The following PITPNC1 variants were observed in gnomAD, a reference collection of about 807,000 sequenced individuals.
PITPNC1 encodes the protein cytoplasmic phosphatidylinositol transfer protein 1.
Under a neutral mutation model 44.7 loss-of-function variants are expected in PITPNC1, and 18 were observed. The ratio of observed to expected loss-of-function variants is 0.40; its 90% confidence interval spans 0.28 to 0.60. The LOEUF is 0.60. Among genes scored for constraint, PITPNC1 ranks in the 20% least tolerant of loss-of-function variants. The pLI, the probability that PITPNC1 is intolerant of heterozygous loss-of-function variation, is 0.39. For missense variants in PITPNC1, 290 were observed against 418.4 expected (o/e 0.69, Z 2.68); for synonymous variants, 141 against 149.6 (o/e 0.94, Z 0.42).
At chr17:67,381,898 T>G (rs1164622584) in intron 1 of PITPNC1, among the ~76,000 whole-genome samples, 1 of 152,184 alleles carries the variant, frequency 6.6e-6, no homozygotes, top group Non-Finnish European at 1.5e-5. Flanking sequence ...TCTCCCTCAT[T>G]TAACACTCTG....
At chr17:67,594,118 G>T (rs1213698650) in intron 5 of PITPNC1, among the ~76,000 whole-genome samples, 2 of 152,138 alleles carry the variant, frequency 1.3e-5, no homozygotes, top group African/African-American at 2.4e-5. Context: ...TAGAATCAGA[G>T]AAATCACCAG....
Position 67,377,999 on chromosome 17 carries a change from G to C in PITPNC1, c.-156G>C. 2.2e-6 allele frequency: 1 copy of C among 453,438 alleles called. No homozygotes were observed. Among genetic ancestry groups the C allele is most frequent in the Non-Finnish European group, 3.8e-6 (1 of 261,340 alleles). The allele number at this position is 453,438 out of a possible 1,614,324, so 28.1% of individuals were successfully genotyped here. ...CCCTGACATGCTCTGGGGCGGAGAGGAGGAAGCCAGGAGCTGAGCGCGCCG... is the reference window on the plus strand; with the variant it reads ...CCCTGACATGCTCTGGGGCGGAGAGCAGGAAGCCAGGAGCTGAGCGCGCCG... On this transcript the variant is annotated 5_prime_UTR_variant, in exon 1 of 9. Transcript: ENST00000581322.
At chr17:67,568,973 G>A (rs373986997) in intron 4 of PITPNC1, among the ~76,000 whole-genome samples, 5 of 152,060 alleles carry the variant, frequency 3.3e-5, no homozygotes, top group African/African-American at 9.7e-5. Context: ...CAAAGTGAGC[G>A]GTGTACATTC....
intron 1 of PITPNC1, among the ~76,000 whole-genome samples, chr17:67,497,737 A>G (rs879520996): frequency 5.3e-5 from 8 of 151,888 alleles, no homozygotes; most frequent in African/African-American, 1.5e-4. Flanking sequence ...TATGTTTTCC[A>G]GGCTGGTCTT....
chr17:67,409,119 C>G lies in PITPNC1; in HGVS notation c.48+30917C>G, dbSNP rs373888391. On this transcript the variant is annotated intron_variant, in intron 1 of 8. Transcript: ENST00000581322. ...TTGAGACGGAGTCTCGCTCTGTCGC[C>G]CAGGCCGGACTGCGGACTGCAGTGG... 1.4e-4 allele frequency among the ~76,000 whole-genome samples: 19 copies of G among 137,826 alleles called. No homozygotes were observed. The East Asian group carries it at 3.0e-3, about 22-fold the overall frequency. The allele number at this position is 137,826 out of a possible 152,430, so 90.4% of individuals were successfully genotyped here.
At chr17:67,596,854 T>C (rs1432017994) in intron 5 of PITPNC1, among the ~76,000 whole-genome samples, 1 of 152,072 alleles carries the variant, frequency 6.6e-6, no homozygotes, top group Non-Finnish European at 1.5e-5. Flanking sequence ...TTTTCTATAC[T>C]CCCTTGGGTT....
chr17:67,533,447 C>G (rs1228547954), intron 2 of PITPNC1, among the ~76,000 whole-genome samples: 1 of 152,142 alleles, frequency 6.6e-6, no homozygotes, highest in Non-Finnish European at 1.5e-5. Context: ...AAGGTGGAGG[C>G]TGCAGTGAGC....
chr17:67,419,004 T>G (rs2038626402), intron 1 of PITPNC1, among the ~76,000 whole-genome samples: 1 of 152,168 alleles, frequency 6.6e-6, no homozygotes, highest in African/African-American at 2.4e-5. Flanking sequence ...GCTTCTTAGG[T>G]TTGGCTTGAT....
chr17:67,449,344 C>T (rs1426282387), intron 1 of PITPNC1, among the ~76,000 whole-genome samples: 3 of 152,190 alleles, frequency 2.0e-5, no homozygotes, highest in African/African-American at 7.2e-5. Flanking sequence ...GGTGCCGATA[C>T]ACACATCTTT....
At chr17:67,415,809 T>A (rs1270335462) in intron 1 of PITPNC1, among the ~76,000 whole-genome samples, 2 of 152,124 alleles carry the variant, frequency 1.3e-5, no homozygotes, top group African/African-American at 2.4e-5. Flanking sequence ...TTCGTCTAGA[T>A]GATTTGGTCA....
rs150634574 is a variant in PITPNC1 at position 67,574,981 on chromosome 17, T to A, written c.295-3205T>A. 5.1e-4 allele frequency among the ~76,000 whole-genome samples: 77 copies of A among 149,804 alleles called. 1 individual carries two copies. The East Asian group carries it at 0.01, about 20-fold the overall frequency. The stretch of plus-strand genomic sequence containing the variant: ...CAACATCTGCTAATTTGCATGGGAG[T>A]TTTGCATTTCATAATTGGGTTTAAT... On this transcript the variant is annotated intron_variant, in intron 4 of 8. Transcript: ENST00000581322.
intron 1 of PITPNC1, among the ~76,000 whole-genome samples, chr17:67,513,277 T>C (rs1469958375): frequency 2.6e-5 from 4 of 151,042 alleles, no homozygotes; most frequent in African/African-American, 9.7e-5. Context: ...GGCAAGAGAG[T>C]AGCTTGAACC....
At chr17:67,629,137 C>T (rs2041932474) in intron 5 of PITPNC1, among the ~76,000 whole-genome samples, 1 of 151,854 alleles carries the variant, frequency 6.6e-6, no homozygotes, top group South Asian at 2.1e-4. Flanking sequence ...TGCTTAGTTC[C>T]CTTTCTTTGA....
intron 1 of PITPNC1, among the ~76,000 whole-genome samples, chr17:67,415,003 C>T (rs969151986): frequency 6.6e-6 from 1 of 152,180 alleles, no homozygotes; most frequent in Non-Finnish European, 1.5e-5. Context: ...TCTCAGCCTC[C>T]TGAGTAGCTG....
At chr17:67,385,472 G>C (rs957630751) in intron 1 of PITPNC1, among the ~76,000 whole-genome samples, 3 of 151,946 alleles carry the variant, frequency 2.0e-5, no homozygotes, top group Non-Finnish European at 1.5e-5. Context: ...AATAATGGCT[G>C]ACCACCCCTC....
intron 1 of PITPNC1, among the ~76,000 whole-genome samples, chr17:67,411,642 G>A (rs1282418191): frequency 6.6e-6 from 1 of 152,048 alleles, no homozygotes; most frequent in East Asian, 1.9e-4. Context: ...GGAACCTGAA[G>A]ACCAGAAGGC....
In PITPNC1 at chr17:67,625,902, G is replaced by A. The variant is rs148605902; in HGVS notation, c.367-6241G>A. 5.9e-5 allele frequency among the ~76,000 whole-genome samples: 9 copies of A among 151,952 alleles called. No individual in the cohort carries two copies. The East Asian group carries it at 9.6e-4, about 16-fold the overall frequency. ...TCGAACTCTCTTTCCAGAAAAATAC[G>A]CCTTCTCAAATTTCAGGATGTCTCC... On this transcript the variant is annotated intron_variant, in intron 5 of 8. Transcript: ENST00000581322.
chr17:67,568,581 CAGT>C (rs1396805312), intron 4 of PITPNC1, among the ~76,000 whole-genome samples: 1 of 151,878 alleles, frequency 6.6e-6, no homozygotes, highest in Non-Finnish European at 1.5e-5. Flanking sequence ...GGCTGGAATG[CAGT>C]AGTGTGATCA....
chr17:67,465,168 G>A (rs2039406204), intron 1 of PITPNC1, among the ~76,000 whole-genome samples: 1 of 152,228 alleles, frequency 6.6e-6, no homozygotes, highest in Non-Finnish European at 1.5e-5. Flanking sequence ...TTTTAAGAGT[G>A]TATGTTGTTG....
Sources: gnomAD v4.1 joint callset for allele counts (sites outside exome capture counted in the v4.1 genomes callset) on GRCh38, gnomAD v4.1.1 for gene constraint, MANE v1.5 for transcripts, NCBI Gene and HGNC (gene_info 2026-07-23, HGNC 2026-07-21) for gene names.